Variants in RAD51B observed in about 807,000 individuals in gnomAD.
The protein encoded by RAD51B is DNA repair protein RAD51 homolog 2.
RAD51B carries 38 observed loss-of-function variants against 42.2 expected under a neutral mutation model. The ratio of observed to expected loss-of-function variants is 0.90; its 90% CI spans 0.70 to 1.18. RAD51B has a LOEUF of 1.18. RAD51B is among the 50% of genes most tolerant of loss of function. The pLI is 0.00. For synonymous variants in RAD51B, 154 were observed against 145.2 expected (o/e 1.06, Z -0.43); for missense variants, 373 against 400.7 (o/e 0.93, Z 0.59).
chr14:67,903,308 T>G (rs1419492523), intron 7 of RAD51B, among the ~76,000 whole-genome samples: 1 of 152,194 alleles, frequency 6.6e-6, no homozygotes, highest in African/African-American at 2.4e-5. Flanking sequence ...ACCTTTTCTG[T>G]GCATTTGTTT....
chr14:68,598,865 G>C (rs1002384636), downstream of RAD51B, among the ~76,000 whole-genome samples: 10 of 152,204 alleles, frequency 6.6e-5, no homozygotes, highest in Non-Finnish European at 1.3e-4. Flanking sequence ...GACTCAGTCT[G>C]TAGTAACTGG....
chr14:68,599,092 G>A (rs111879068), downstream of RAD51B, among the ~76,000 whole-genome samples: 1 of 152,156 alleles, frequency 6.6e-6, no homozygotes, highest in Non-Finnish European at 1.5e-5. Flanking sequence ...TCCCTTTGCC[G>A]CTGCTTTATG....
chr14:68,470,484 T>C (rs1429374341), intron 10 of RAD51B: 1 of 484,862 alleles, frequency 2.1e-6, no homozygotes, highest in African/African-American at 2.0e-5. Flanking sequence ...TCAGCTTTGG[T>C]ATGATCTTGA....
intron 7 of RAD51B, among the ~76,000 whole-genome samples, chr14:67,948,931 C>CAAA (rs59465805): frequency 0.096 from 1,633 of 17,054 alleles, 332 homozygotes; most frequent in Middle Eastern, 0.18. Context: ...GACTCTGTCT[C>CAAA]AAAAAAAAAA....
intron 10 of RAD51B, chr14:68,563,671 G>A (rs891517775): frequency 1.0e-6 from 1 of 985,484 alleles, no homozygotes; most frequent in Non-Finnish European, 1.2e-6. Context: ...GGGAAGGGCA[G>A]AAACCAAAAT....
At chr14:68,280,783 G>T (rs1051105618) in intron 7 of RAD51B, among the ~76,000 whole-genome samples, 1 of 152,176 alleles carries the variant, frequency 6.6e-6, no homozygotes, top group South Asian at 2.1e-4. Context: ...CTAGGGCAAG[G>T]TGGCTCACAC....
intron 10 of RAD51B, among the ~76,000 whole-genome samples, chr14:68,491,911 C>T (rs1249260507): frequency 1.3e-5 from 2 of 152,186 alleles, no homozygotes; most frequent in African/African-American, 2.4e-5. Flanking sequence ...CTTTTTCACT[C>T]AGAGTGAAAG....
At chr14:68,633,777 C>T (rs946998318) in intron 10 of RAD51B, among the ~76,000 whole-genome samples, 1 of 152,208 alleles carries the variant, frequency 6.6e-6, no homozygotes, top group African/African-American at 2.4e-5. Context: ...TCCTACCTCG[C>T]CCTAAGATGT....
intron 10 of RAD51B, among the ~76,000 whole-genome samples, chr14:68,549,807 G>A (rs747410490): frequency 1.3e-5 from 2 of 152,166 alleles, no homozygotes; most frequent in South Asian, 2.1e-4. Context: ...AAGCTACAGC[G>A]GAATCCTGCC....
intron 7 of RAD51B, among the ~76,000 whole-genome samples, chr14:67,896,427 C>T (rs2043420060): frequency 6.6e-6 from 1 of 152,190 alleles, no homozygotes; most frequent in Admixed American, 6.5e-5. Flanking sequence ...AGACATCAAC[C>T]AAGATTTTAT....
downstream of RAD51B, among the ~76,000 whole-genome samples, chr14:68,613,582 T>C (rs1480055345): frequency 6.6e-6 from 1 of 151,824 alleles, no homozygotes; most frequent in South Asian, 2.1e-4. Context: ...GCTTCCTGAG[T>C]AGCTGGGACT....
chr14:68,588,730 T>TGA (rs1199474285), intron 10 of RAD51B, among the ~76,000 whole-genome samples: 1 of 152,230 alleles, frequency 6.6e-6, no homozygotes, highest in East Asian at 1.9e-4. Flanking sequence ...TGAGTTTCCT[T>TGA]GAGAGAGAGT....
At chr14:68,605,612 C>T (rs567766820) in intron 10 of RAD51B, among the ~76,000 whole-genome samples, 21 of 152,312 alleles carry the variant, frequency 1.4e-4, no homozygotes, top group African/African-American at 5.1e-4. Context: ...TCCATCTGCA[C>T]ATGTGCTCTC....
chr14:68,392,043 G>A (rs533512757), intron 8 of RAD51B, among the ~76,000 whole-genome samples: 1 of 152,164 alleles, frequency 6.6e-6, no homozygotes, highest in Non-Finnish European at 1.5e-5. Flanking sequence ...AAATCAGAGA[G>A]ATGAAATACT....
chr14:68,323,757 T>C (rs1350358665), intron 8 of RAD51B, among the ~76,000 whole-genome samples: 1 of 152,216 alleles, frequency 6.6e-6, no homozygotes, highest in African/African-American at 2.4e-5. Context: ...ATCGTGCCAC[T>C]GCACTCCAGC....
intron 7 of RAD51B, among the ~76,000 whole-genome samples, chr14:68,216,792 C>A (rs1364614687): frequency 1.3e-5 from 2 of 152,134 alleles, no homozygotes; most frequent in Non-Finnish European, 2.9e-5. Flanking sequence ...TTGGATAGGG[C>A]TCTTTTCCTT....
chr14:68,059,214 A>G (rs183474784), intron 7 of RAD51B, among the ~76,000 whole-genome samples: 21 of 152,262 alleles, frequency 1.4e-4, no homozygotes, highest in African/African-American at 5.1e-4. Flanking sequence ...TGGCCTACTT[A>G]TAACATCTTT....
chr14:68,126,753 C>G (rs1388294506), intron 7 of RAD51B, among the ~76,000 whole-genome samples: 1 of 152,090 alleles, frequency 6.6e-6, no homozygotes, highest in African/African-American at 2.4e-5. Flanking sequence ...TTTTGAGGCC[C>G]TTGAGTATTT....
intron 10 of RAD51B, among the ~76,000 whole-genome samples, chr14:68,607,822 G>T (rs910480588): frequency 6.6e-6 from 1 of 152,134 alleles, no homozygotes; most frequent in East Asian, 1.9e-4. Context: ...ACAGGGGCTG[G>T]CAATGTAGGA....
Sources: gnomAD v4.1 joint callset for allele counts (sites outside exome capture counted in the v4.1 genomes callset) on GRCh38, gnomAD v4.1.1 for gene constraint, MANE v1.5 for transcripts, NCBI Gene and HGNC (gene_info 2026-07-23, HGNC 2026-07-21) for gene names.